Variants in PSMC3IP observed in about 807,000 individuals in gnomAD.
The protein encoded by PSMC3IP is PSMC3 interacting protein.
Under a neutral mutation model 34.9 loss-of-function variants are expected in PSMC3IP, and 26 were observed. The ratio of observed to expected loss-of-function variants is 0.74; its 90% CI spans 0.55 to 1.03. PSMC3IP has a LOEUF of 1.03. PSMC3IP is among the 50% of genes least tolerant of loss of function. The probability of loss-of-function intolerance (pLI) is 0.00; values close to 1 mark genes in which losing one functional copy is unlikely to be tolerated. For synonymous variants in PSMC3IP, 87 were observed against 96.5 expected (o/e 0.90, Z 0.57); for missense variants, 250 against 263.1 (o/e 0.95, Z 0.34).
At chr17:42,577,343 C>G in intron 2 of PSMC3IP, 41 bp from the exon 3 acceptor site, 2 of 1,611,394 alleles carry the variant, frequency 1.2e-6, no homozygotes, top group East Asian at 2.2e-5. Context: ...GGAGTCTGAG[C>G]CTGGGTCTGG....
chr17:42,576,790 G>A (rs189212437), intron 3 of PSMC3IP: 3 of 286,764 alleles, frequency 1.0e-5, no homozygotes, highest in Non-Finnish European at 2.1e-5. Context: ...GGGGTGGGGG[G>A]AAGATGAGGC....
At position 42,574,537 on chromosome 17, in the gene PSMC3IP, C is replaced by T. The variant is rs1363867522; in HGVS notation, c.226-327G>A. Among the ~76,000 whole-genome samples, 5 of 152,166 alleles carry T rather than the reference C, an allele frequency of 3.3e-5. No individual in the cohort carries two copies. In the East Asian group the frequency reaches 7.7e-4, roughly 23 times the overall value. On this transcript the variant is annotated intron_variant, in intron 3 of 7. Coordinates refer to ENST00000393795, the MANE Select transcript of PSMC3IP (RefSeq NM_016556.4). ...AAGCAGTTAAGTAACATTGTTCCCA[C>T]GGTGGGGAAACCTAGATCATGGGTT...
rs142919497 is a variant in PSMC3IP, at chr17:42,577,673, C to T, written c.14G>A (p.Arg5Gln). The T allele has an allele frequency of 7.4e-6, 12 of 1,614,048 alleles. No homozygotes were observed. The highest frequency in any genetic ancestry group is 2.7e-5 in the African/African-American group (2 of 74,942). Residue 5 changes from arginine (R) to glutamine (Q), a missense_variant, in exon 1 of 8, where the codon CGG (arginine) becomes CAG (glutamine). Transcript: ENST00000393795. ...GTTACCTCCCGCCGCAGCTTCTGCC[C>T]GGCCTTTACTCATCGCCTTTCCCGC... MSKG[R>Q]AEAAAGAAGI...
chr17:42,577,060 C>T, intron 3 of PSMC3IP, 153 bp downstream of exon 3: 2 of 1,514,128 alleles, frequency 1.3e-6, no homozygotes, highest in Non-Finnish European at 1.8e-6. Context: ...AGTTGGGATC[C>T]TAACAAGAGG....
rs2093044780 is a variant in PSMC3IP at position 42,572,999 on chromosome 17, T to C, written c.623A>G (p.Glu208Gly). 1 of 1,614,138 alleles carries C rather than the reference T, an allele frequency of 6.2e-7. No homozygotes were observed. The highest frequency in any genetic ancestry group is 1.3e-5 in the African/African-American group (1 of 74,948). Residue 208 changes from glutamate (E) to glycine (G), a missense_variant, in exon 8 of 8, where the codon GAA (glutamate) becomes GGA (glycine). Coordinates refer to ENST00000393795, the MANE Select transcript of PSMC3IP (RefSeq NM_016556.4). ...GTCTGGGAGTGTGACGTTGTAATCT[T>C]CATCCGTCTCTATCCCAACTTCCTC... ...FFEEVGIETD[E>G]DYNVTLPDP
chr17:42,576,841 CAG>C (rs958969594), intron 3 of PSMC3IP: 29 of 335,944 alleles, frequency 8.6e-5, no homozygotes, highest in Non-Finnish European at 2.3e-5. Flanking sequence ...TAATGCCTGA[CAG>C]ATTCCAGCTG....
At chr17:42,574,426 A>G (rs184581189) in intron 3 of PSMC3IP, 791 of 1,272,250 alleles carry the variant, frequency 6.2e-4, no homozygotes, top group Non-Finnish European at 7.7e-4. Context: ...CTGAAATCTA[A>G]TGCTTGTCCT....
Position 42,577,712 on chromosome 17 carries a change from A to G in PSMC3IP, c.-26T>C. 2 of 1,613,732 alleles carry G rather than the reference A, an allele frequency of 1.2e-6. No individual in the cohort carries two copies. Among genetic ancestry groups the G allele is most frequent in the South Asian group, 1.1e-5 (1 of 91,082 alleles). ...CGCCTTTCCCGCCACCCAACTCAGA[A>G]AGCCGGACGTTGTAGTTGCTCGGGG... On this transcript the variant is annotated 5_prime_UTR_variant, in exon 1 of 8. Coordinates refer to ENST00000393795, the MANE Select transcript of PSMC3IP (RefSeq NM_016556.4).
In PSMC3IP at chr17:42,573,130, G is replaced by A. The variant is rs2093046614; in HGVS notation, c.574C>T (p.Pro192Ser). 1.2e-6 allele frequency: 2 copies of A among 1,614,182 alleles called. No homozygotes were observed. Among genetic ancestry groups the A allele is most frequent in the Non-Finnish European group, 1.7e-6 (2 of 1,180,028 alleles). The change falls in exon 7 of 8, where the codon CCC becomes TCC. Residue 192 changes from proline (P) to serine (S), a missense_variant. Pro to Ser is a moderately conservative substitution (Grantham distance 74). Transcript: ENST00000393795. Reference protein sequence around the residue: ...ELSDAILEGYPKSKKQFFEEV... With the variant: ...ELSDAILEGYSKSKKQFFEEV... Reference sequence around the variant, plus strand: ...ACAAAGAACTGCTTCTTGCTCTTGGGGTATCCTTCAAGTATTGCATCAGAC... The same window carrying A: ...ACAAAGAACTGCTTCTTGCTCTTGGAGTATCCTTCAAGTATTGCATCAGAC...
chr17:42,575,197 G>A (rs1017835223), intron 3 of PSMC3IP, among the ~76,000 whole-genome samples: 4 of 152,200 alleles, frequency 2.6e-5, no homozygotes, highest in African/African-American at 9.6e-5. Context: ...GGTTGAAAAA[G>A]TATGCCAGCC....
In PSMC3IP at chr17:42,573,470, C is replaced by T. The variant is rs1460767591; in HGVS notation, c.483+8G>A. 3 of 1,614,270 alleles carry T rather than the reference C, an allele frequency of 1.9e-6. No individual in the cohort carries two copies. Among genetic ancestry groups the T allele is most frequent in the East Asian group, 4.5e-5 (2 of 44,892 alleles). On this transcript the variant is annotated splice_region_variant and intron_variant, in intron 5 of 7. Transcript: ENST00000393795. ...CCTGCACAGCGGTCCTACAGCCTTC[C>T]AGCTCACCTGCTCTTTCTCTTCTGG...
Position 42,577,231 on chromosome 17 carries a change from C to A in PSMC3IP, c.207G>T (p.Lys69Asn), listed in dbSNP as rs2093081187. The A allele has an allele frequency of 6.2e-7, 1 of 1,614,034 alleles. No homozygotes were observed. Among genetic ancestry groups the A allele is most frequent in the Non-Finnish European group, 8.5e-7 (1 of 1,179,994 alleles). The change falls in exon 3 of 8, where the codon AAG (lysine) becomes AAT (asparagine). Residue 69 changes from lysine (K) to asparagine (N), a missense_variant. Physicochemically the swap from Lys to Asn is moderately conservative, Grantham distance 94. Coordinates refer to ENST00000393795, the MANE Select transcript of PSMC3IP (RefSeq NM_016556.4). ...KIKEKMYGKQ[K>N]IYFADQDQFD... ...TCCTCACCTGATCCGCAAAATAGAT[C>A]TTCTGCTTGCCGTACATCTTCTCTT...
At position 42,573,668 on chromosome 17, in the gene PSMC3IP, G is replaced by T. The variant is rs2093052962; in HGVS notation, c.338-45C>A. The T allele has an allele frequency of 3.1e-6, 5 of 1,606,698 alleles. No homozygotes were observed. In the South Asian group the frequency reaches 4.4e-5, roughly 14 times the overall value. ...GGGTCACTTGCTACCCCTGAGGAAG[G>T]AGTTCTGTCTTTCCCAGTGGGTGCT... On this transcript the variant is annotated intron_variant, in intron 4 of 7. Coordinates refer to ENST00000393795, the MANE Select transcript of PSMC3IP (RefSeq NM_016556.4).
chr17:42,576,572 G>A (rs2093076958), intron 3 of PSMC3IP: 1 of 158,448 alleles, frequency 6.3e-6, no homozygotes, highest in South Asian at 1.7e-4. Context: ...GGCCAAGACA[G>A]GAGGATCACT....
rs776778143 is a variant in PSMC3IP, at chr17:42,573,831, G to A, written c.338-208C>T. The stretch of plus-strand genomic sequence containing the variant: ...TGTGAGGTTGAACACTTACTTAGGC[G>A]TAGCCAGTTAAAGAAGCAGGAATAA... On this transcript the variant is annotated intron_variant, in intron 4 of 7. Coordinates refer to ENST00000393795, the MANE Select transcript of PSMC3IP (RefSeq NM_016556.4). The A allele has an allele frequency of 2.1e-5, 32 of 1,531,536 alleles. No individual in the cohort carries two copies. The East Asian group carries it at 2.9e-4, about 14-fold the overall frequency. The allele number at this position is 1,531,536 out of a possible 1,614,324, so 94.9% of individuals were successfully genotyped here.
intron 4 of PSMC3IP, chr17:42,573,884 A>G (rs1410006096): frequency 1.3e-6 from 2 of 1,531,744 alleles, no homozygotes. Context: ...GTGTACTGAT[A>G]ATCGTGGCAG....
upstream of PSMC3IP, chr17:42,577,830 C>G: frequency 9.9e-7 from 1 of 1,012,754 alleles, no homozygotes. Flanking sequence ...CTCCCGGACT[C>G]CATAGTTCAT....
intron 5 of PSMC3IP, 34 bp downstream of exon 5, chr17:42,573,444 A>G (rs765593611): frequency 6.2e-6 from 10 of 1,614,192 alleles, no homozygotes; most frequent in Non-Finnish European, 8.5e-6. Flanking sequence ...TTCACTCTGG[A>G]CCTGCACAGC....
chr17:42,575,224 T>C (rs562082016), intron 3 of PSMC3IP, among the ~76,000 whole-genome samples: 3 of 152,316 alleles, frequency 2.0e-5, no homozygotes, highest in African/African-American at 7.2e-5. Flanking sequence ...GTCTGGACTC[T>C]ACACTTGGGC....
Sources: allele counts gnomAD v4.1 joint callset (sites outside exome capture counted in the v4.1 genomes callset), GRCh38; gene constraint gnomAD v4.1.1; transcripts MANE v1.5; gene names NCBI Gene and HGNC (gene_info 2026-07-23, HGNC 2026-07-21).